Variants in DESI2 observed in about 807,000 individuals in gnomAD.
DESI2 encodes desumoylating isopeptidase 2, also known as deubiquitinase DESI2.
A neutral mutation model predicts 24.1 loss-of-function variants in DESI2; 10 were observed. That is an observed-to-expected ratio of 0.41 (90% confidence interval 0.26 to 0.70). The LOEUF is 0.70. Among genes scored for constraint, DESI2 ranks in the 30% least tolerant of loss-of-function variants. The probability of loss-of-function intolerance (pLI) is 0.29; values close to 1 mark genes in which losing one functional copy is unlikely to be tolerated. For missense variants in DESI2, 122 were observed against 234.9 expected, an observed-to-expected ratio of 0.52 and a Z score of 3.14; for synonymous variants, 71 against 87.7, an observed-to-expected ratio of 0.81 and a Z score of 1.06.
chr1:244,663,500 A>C (rs1180624110), intron 1 of DESI2, among the ~76,000 whole-genome samples: 1 of 142,332 alleles, frequency 7.0e-6, no homozygotes, highest in Non-Finnish European at 1.5e-5. Flanking sequence ...TAAAGTAAAA[A>C]ATCCTACAAA....
rs576250905 is a variant in DESI2 at position 244,655,151 on chromosome 1, C to T, written c.42+1796C>T. ...TTTTCGAAGGGAGGACTGTTCTGAA[C>T]GATGTTAAAATATTGACTAATGAGC... On this transcript the variant is annotated intron_variant, in intron 1 of 4. Transcript: ENST00000302550. Among the ~76,000 whole-genome samples, 8 of 152,250 alleles carry T rather than the reference C, an allele frequency of 5.3e-5. No individual in the cohort carries two copies. The South Asian group carries it at 1.5e-3, about 28-fold the overall frequency.
chr1:244,659,287 C>CA (rs1675756563), intron 1 of DESI2, among the ~76,000 whole-genome samples: 1 of 151,998 alleles, frequency 6.6e-6, no homozygotes, highest in Non-Finnish European at 1.5e-5. Flanking sequence ...AACAAGTTGC[C>CA]AAAAACTTAG....
intron 1 of DESI2, among the ~76,000 whole-genome samples, chr1:244,682,098 C>G (rs1676635693): frequency 6.6e-6 from 1 of 152,076 alleles, no homozygotes; most frequent in Admixed American, 6.5e-5. Flanking sequence ...TAGTGCAGAC[C>G]CAAAGAGTGA....
rs369225487 is a variant in DESI2, at chr1:244,689,380, G to T, written c.209+38G>T. 43 of 965,846 alleles carry T rather than the reference G, an allele frequency of 4.5e-5. No individual in the cohort carries two copies. Among genetic ancestry groups the T allele is most frequent in the Non-Finnish European group, 4.3e-5 (26 of 601,206 alleles). The allele number at this position is 965,846 out of a possible 1,614,324, so 59.8% of individuals were successfully genotyped here. A position where few individuals can be genotyped will look rare whatever the true frequency, so the allele number is the denominator to read the frequency against. ...GATAATTTTTATTACACTGTCTTAG[G>T]TGCCATAGCTTGTTTTCAGGTATAC... is the stretch of plus-strand genomic sequence containing the variant. On this transcript the variant is annotated intron_variant, in intron 3 of 4. Transcript: ENST00000302550. The surrounding 1 kb of genome is among the most constrained non-coding windows in gnomAD (Gnocchi z 4.0).
intron 4 of DESI2, chr1:244,694,484 T>C (rs2148812423): frequency 1.3e-6 from 1 of 793,218 alleles, no homozygotes; most frequent in East Asian, 2.5e-5. Context: ...GTGGTGTTCC[T>C]TCACGGAATC....
chr1:244,697,946 T>A (rs1296102789), intron 4 of DESI2, among the ~76,000 whole-genome samples: 1 of 152,180 alleles, frequency 6.6e-6, no homozygotes, highest in African/African-American at 2.4e-5. Flanking sequence ...CTGCACGCCC[T>A]CAACCCCATT....
intron 1 of DESI2, among the ~76,000 whole-genome samples, chr1:244,677,112 T>C (rs940121112): frequency 7.9e-5 from 12 of 152,038 alleles, no homozygotes; most frequent in Non-Finnish European, 1.5e-4. Flanking sequence ...TCTTCTGTAT[T>C]TTGGAAGAGC....
intron 4 of DESI2, 86 bp from the exon 5 acceptor site, chr1:244,705,470 C>T (rs986081371): frequency 3.5e-6 from 4 of 1,158,778 alleles, no homozygotes; most frequent in African/African-American, 3.0e-5. Context: ...GTACGCCGCC[C>T]CCCTCCTCCC....
rs1292501129 is a variant in DESI2 at position 244,706,883 on chromosome 1, T to A, written c.*1094T>A. The A allele has an allele frequency of 6.6e-6, 1 of 152,620 alleles. No homozygotes were observed. The highest frequency in any genetic ancestry group is 2.1e-4 in the South Asian group (1 of 4,828). The allele number at this position is 152,620 out of a possible 1,614,324, so 9.5% of individuals were successfully genotyped here. ...GTCTCATTGACCAATCGTTAAAAAA[T>A]CATATTTGTGTGTCTTAAGATTCAT... On this transcript the variant is annotated 3_prime_UTR_variant, in exon 5 of 5. Coordinates refer to ENST00000302550, the MANE Select transcript of DESI2 (RefSeq NM_016076.5).
intron 4 of DESI2, among the ~76,000 whole-genome samples, chr1:244,697,550 G>T (rs1252668610): frequency 6.6e-6 from 1 of 151,830 alleles, no homozygotes; most frequent in African/African-American, 2.4e-5. Flanking sequence ...TTGATGTCTG[G>T]ATGGCTGTGG....
intron 4 of DESI2, among the ~76,000 whole-genome samples, chr1:244,695,625 C>T (rs1196585124): frequency 6.6e-6 from 1 of 152,128 alleles, no homozygotes; most frequent in Non-Finnish European, 1.5e-5. Context: ...TGCACTCCAT[C>T]CTGGGCAACA....
intron 4 of DESI2, among the ~76,000 whole-genome samples, chr1:244,700,057 C>CA (rs1558669033): frequency 1.3e-5 from 2 of 152,286 alleles, no homozygotes; most frequent in African/African-American, 4.8e-5. Flanking sequence ...AACAAAAACT[C>CA]AAACTAAGTT....
At chr1:244,653,445 G>C in intron 1 of DESI2, 90 bp downstream of exon 1, 1 of 1,365,976 alleles carries the variant, frequency 7.3e-7, no homozygotes, top group Non-Finnish European at 9.9e-7. Context: ...GGCGCTTCCT[G>C]CCTGGCGTCT....
intron 1 of DESI2, among the ~76,000 whole-genome samples, chr1:244,679,868 CAAAAAAAAAAAA>C (rs10543739): frequency 5.0e-5 from 4 of 80,628 alleles, no homozygotes; most frequent in Admixed American, 1.3e-4. Context: ...GACTCTATCT[CAAAAAAAAAAAA>C]AAAAAAAAAA....
intron 1 of DESI2, among the ~76,000 whole-genome samples, chr1:244,655,127 T>C (rs1675602404): frequency 1.3e-5 from 2 of 152,206 alleles, no homozygotes; most frequent in South Asian, 4.1e-4. Context: ...TATTCAGTAT[T>C]TTCGAAGGGA....
chr1:244,658,225 T>C (rs1177723645), intron 1 of DESI2, among the ~76,000 whole-genome samples: 1 of 152,230 alleles, frequency 6.6e-6, no homozygotes, highest in Non-Finnish European at 1.5e-5. Context: ...GGATAAAGTG[T>C]AATGCACTTT....
intron 1 of DESI2, among the ~76,000 whole-genome samples, chr1:244,659,090 T>G (rs1675747839): frequency 6.6e-6 from 1 of 151,924 alleles, no homozygotes; most frequent in Admixed American, 6.6e-5. Context: ...ATCAATATGC[T>G]TCTTGGGCAA....
intron 4 of DESI2, among the ~76,000 whole-genome samples, chr1:244,704,313 G>A (rs1336980355): frequency 6.6e-6 from 1 of 152,132 alleles, no homozygotes; most frequent in Non-Finnish European, 1.5e-5. Context: ...TATAATTGGA[G>A]GCAAAAACAA....
At chr1:244,684,008 C>G (rs372239862) in intron 1 of DESI2, among the ~76,000 whole-genome samples, 7 of 151,948 alleles carry the variant, frequency 4.6e-5, no homozygotes, top group African/African-American at 1.2e-4. Context: ...CTGAGCCCTT[C>G]CCCTCTTTTT....
Sources: allele counts gnomAD v4.1 joint callset (sites outside exome capture counted in the v4.1 genomes callset), GRCh38; gene constraint gnomAD v4.1.1; non-coding constraint Gnocchi (gnomAD v3.1); transcripts MANE v1.5; gene names NCBI Gene and HGNC (gene_info 2026-07-23, HGNC 2026-07-21).